PPARGC1A: variants seen among roughly 807,000 people sequenced by gnomAD.
PPARGC1A encodes the protein peroxisome proliferator-activated receptor gamma coactivator 1-alpha.
In PPARGC1A, 25 loss-of-function variants were observed where a neutral mutation model predicts 88.7. The ratio of observed to expected loss-of-function variants is 0.28; its 90% CI spans 0.21 to 0.39. The LOEUF is 0.39. PPARGC1A is among the 10% of genes least tolerant of loss of function. The probability of loss-of-function intolerance (pLI) is 1.00; values close to 1 mark genes in which losing one functional copy is unlikely to be tolerated. For missense variants in PPARGC1A, 880 were observed against 968.7 expected, an observed-to-expected ratio of 0.91 and a Z score of 1.22; for synonymous variants, 363 against 355.6, an observed-to-expected ratio of 1.02 and a Z score of -0.24.
At chr4:24,287,634 G>GCACA in the PPARGC1A span, among the ~76,000 whole-genome samples, 8,036 of 142,026 alleles carry the variant, frequency 0.057, 270 homozygotes, top group Middle Eastern at 0.096. Flanking sequence ...AACACCACAT[G>GCACA]CACACACACA....
At chr4:24,262,642 T>C in the PPARGC1A span, among the ~76,000 whole-genome samples, 1 of 152,176 alleles carries the variant, frequency 6.6e-6, no homozygotes, top group African/African-American at 2.4e-5. Context: ...ATGAAATCTA[T>C]GGACCCCTTC....
chr4:24,296,768 T>C, the PPARGC1A span, among the ~76,000 whole-genome samples: 1 of 152,188 alleles, frequency 6.6e-6, no homozygotes, highest in South Asian at 2.1e-4. Flanking sequence ...TGATTTAGTC[T>C]GCAAATCTCT....
chr4:23,858,953 T>A (rs1014442954), intron 2 of PPARGC1A, among the ~76,000 whole-genome samples: 2 of 149,214 alleles, frequency 1.3e-5, no homozygotes, highest in African/African-American at 4.9e-5. Flanking sequence ...AAATTTATAT[T>A]TATATTTTGT....
the PPARGC1A span, among the ~76,000 whole-genome samples, chr4:24,168,433 C>G: frequency 2.6e-5 from 4 of 152,180 alleles, no homozygotes; most frequent in South Asian, 6.2e-4. Flanking sequence ...TCCTTGAGGC[C>G]TAAAAGTAAT....
At chr4:24,353,443 C>G in the PPARGC1A span, among the ~76,000 whole-genome samples, 1 of 151,508 alleles carries the variant, frequency 6.6e-6, no homozygotes, top group Admixed American at 6.6e-5. Context: ...GTTTTATCAA[C>G]TGAAGAAACA....
intron 2 of PPARGC1A, among the ~76,000 whole-genome samples, chr4:23,855,365 A>G (rs544225599): frequency 6.6e-6 from 1 of 152,266 alleles, no homozygotes; most frequent in Admixed American, 6.5e-5. Context: ...GTTATATTTT[A>G]AAATACTTAT....
chr4:24,311,599 C>T, the PPARGC1A span, among the ~76,000 whole-genome samples: 1 of 151,808 alleles, frequency 6.6e-6, no homozygotes, highest in African/African-American at 2.4e-5. Flanking sequence ...AAGATCACAC[C>T]ACTGCACTCC....
chr4:24,207,823 T>C, the PPARGC1A span, among the ~76,000 whole-genome samples: 2 of 152,214 alleles, frequency 1.3e-5, no homozygotes, highest in Non-Finnish European at 2.9e-5. Flanking sequence ...TGAAACCATA[T>C]AAACAAAGTT....
chr4:23,795,789 C>T lies in PPARGC1A; in HGVS notation c.*33G>A. 1 of 1,515,708 alleles carries T rather than the reference C, an allele frequency of 6.6e-7. No individual in the cohort carries two copies. Among genetic ancestry groups the T allele is most frequent in the Non-Finnish European group, 9.1e-7 (1 of 1,103,712 alleles). 93.9% of individuals were successfully genotyped at this position (1,515,708 alleles called of 1,614,324 possible). ...GACGCGCTGTCCCATGAGGTATTCGCCATCCCTCTGTCATCCTCAGCTAGG... is the reference window on the plus strand; with the variant it reads ...GACGCGCTGTCCCATGAGGTATTCGTCATCCCTCTGTCATCCTCAGCTAGG... On this transcript the variant is annotated 3_prime_UTR_variant, in exon 13 of 13. Transcript: ENST00000264867.
At chr4:23,969,231 T>C in the PPARGC1A span, among the ~76,000 whole-genome samples, 215 of 152,296 alleles carry the variant, frequency 1.4e-3, 1 homozygote, top group African/African-American at 4.6e-3. Context: ...TTAGAGTCTT[T>C]AGGGAATGGC....
the PPARGC1A span, among the ~76,000 whole-genome samples, chr4:23,996,424 G>C: frequency 4.8e-4 from 73 of 152,230 alleles, no homozygotes; most frequent in African/African-American, 1.7e-3. Flanking sequence ...TTCCCAGTCA[G>C]AACTGCAGAA....
chr4:24,120,924 A>T, the PPARGC1A span, among the ~76,000 whole-genome samples: 1 of 152,212 alleles, frequency 6.6e-6, no homozygotes, highest in East Asian at 1.9e-4. Context: ...TTATCATAAC[A>T]GCCTGTGGAC....
chr4:24,073,429 G>A, the PPARGC1A span, among the ~76,000 whole-genome samples: 2 of 152,100 alleles, frequency 1.3e-5, no homozygotes, highest in Non-Finnish European at 2.9e-5. Flanking sequence ...AACTTTGTCA[G>A]GCAACTTCAT....
At chr4:23,919,627 C>T in the PPARGC1A span, among the ~76,000 whole-genome samples, 1 of 151,504 alleles carries the variant, frequency 6.6e-6, no homozygotes, top group Non-Finnish European at 1.5e-5. Flanking sequence ...TCTAAGTTCC[C>T]AATAAATGAA....
the PPARGC1A span, among the ~76,000 whole-genome samples, chr4:24,062,174 C>T: frequency 6.6e-6 from 1 of 152,148 alleles, no homozygotes; most frequent in Non-Finnish European, 1.5e-5. Context: ...TGACTTGGCC[C>T]TCAGAAAGCA....
the PPARGC1A span, among the ~76,000 whole-genome samples, chr4:24,388,906 C>T: frequency 2.6e-5 from 4 of 152,050 alleles, no homozygotes; most frequent in Admixed American, 1.3e-4. Context: ...CACCATGGCA[C>T]GTGTATACTT....
At chr4:23,829,418 A>T in intron 4 of PPARGC1A, 45 bp downstream of exon 4, 1 of 1,599,688 alleles carries the variant, frequency 6.3e-7, no homozygotes, top group Non-Finnish European at 8.6e-7. Flanking sequence ...TCAAGCCAAA[A>T]TCCTTTGGTA....
chr4:24,393,392 C>T, the PPARGC1A span, among the ~76,000 whole-genome samples: 2 of 152,192 alleles, frequency 1.3e-5, no homozygotes, highest in Non-Finnish European at 2.9e-5. Context: ...CTGTAAAAGG[C>T]TTCCAATCAA....
chr4:24,149,763 C>T, the PPARGC1A span, among the ~76,000 whole-genome samples: 1 of 152,176 alleles, frequency 6.6e-6, no homozygotes, highest in Non-Finnish European at 1.5e-5. Flanking sequence ...AAGCTTTGTT[C>T]AGCAGTTTTA....
Sources: gnomAD v4.1 joint callset for allele counts (sites outside exome capture counted in the v4.1 genomes callset) on GRCh38, gnomAD v4.1.1 for gene constraint, MANE v1.5 for transcripts, NCBI Gene and HGNC (gene_info 2026-07-23, HGNC 2026-07-21) for gene names.